Variants in USH2A observed in about 807,000 individuals in gnomAD.
USH2A encodes usherin, also known as Usher syndrome 2A (autosomal recessive, mild).
Under a neutral mutation model 538.9 loss-of-function variants are expected in USH2A, and 443 were observed. That is an observed-to-expected ratio of 0.82 (90% confidence interval 0.76 to 0.89). The LOEUF is 0.89. Ranked by LOEUF, USH2A falls within the 40% of genes least tolerant of loss-of-function variation. The pLI, the probability that USH2A is intolerant of heterozygous loss-of-function variation, is 0.00. For missense variants in USH2A, 6,633 were observed against 6,324.8 expected (o/e 1.05, Z -1.65); for synonymous variants, 2,413 against 2,273.5 (o/e 1.06, Z -1.75).
intron 13 of USH2A, among the ~76,000 whole-genome samples, chr1:216,243,334 C>T (rs1047262587): frequency 2.6e-5 from 4 of 152,138 alleles, no homozygotes; most frequent in Non-Finnish European, 5.9e-5. Context: ...AACTCATGGT[C>T]ATTAAAAGCA....
At position 215,782,836 on chromosome 1, in the gene USH2A, T is replaced by G. The variant is rs142594852; in HGVS notation, c.10487A>C (p.Glu3496Ala). 59 of 1,613,896 alleles carry G rather than the reference T, an allele frequency of 3.7e-5. No homozygotes were observed. The highest frequency in any genetic ancestry group is 3.5e-5 in the Non-Finnish European group (41 of 1,179,930). The change falls in exon 53 of 72, where the codon GAA becomes GCA. Residue 3496 changes from glutamate (E) to alanine (A), a missense_variant. Coordinates refer to ENST00000307340, the MANE Select transcript of USH2A (RefSeq NM_206933.4). ...GGGACTCACTCCTTGAGGCACATCT[T>G]CTTTTGTTCTGGCTCTCACAGCTTT... ...LSKAVRARTK[E>A]DVPQGVSPPT...
intron 3 of USH2A, among the ~76,000 whole-genome samples, chr1:216,409,497 T>G (rs2039449349): frequency 6.6e-6 from 1 of 152,108 alleles, no homozygotes; most frequent in Non-Finnish European, 1.5e-5. Flanking sequence ...AGGGCTACAG[T>G]AAGCAAAACA....
intron 3 of USH2A, among the ~76,000 whole-genome samples, chr1:216,373,000 T>C (rs986528177): frequency 2.0e-5 from 3 of 152,170 alleles, no homozygotes; most frequent in Non-Finnish European, 4.4e-5. Context: ...ATAACTACAA[T>C]GTCCTCTCCT....
intron 3 of USH2A, among the ~76,000 whole-genome samples, chr1:216,383,405 A>T (rs2038952208): frequency 6.6e-6 from 1 of 152,242 alleles, no homozygotes; most frequent in African/African-American, 2.4e-5. Context: ...ATACTCAATG[A>T]GTATTGAATC....
At chr1:215,723,959 T>C (rs1318609194) in intron 61 of USH2A, among the ~76,000 whole-genome samples, 4 of 152,108 alleles carry the variant, frequency 2.6e-5, no homozygotes, top group Non-Finnish European at 5.9e-5. Flanking sequence ...AATAAATCAT[T>C]ATATTAAAAA....
At chr1:215,792,845 G>T (rs536100548) in intron 50 of USH2A, among the ~76,000 whole-genome samples, 19 of 152,260 alleles carry the variant, frequency 1.2e-4, no homozygotes, top group Non-Finnish European at 1.3e-4. Context: ...AACAAAATAG[G>T]TCATGCATTA....
At chr1:216,322,570 G>C (rs1283796496) in intron 8 of USH2A, among the ~76,000 whole-genome samples, 1 of 145,136 alleles carries the variant, frequency 6.9e-6, no homozygotes, top group East Asian at 2.0e-4. Flanking sequence ...TCATGCCATT[G>C]CATGCCAGCC....
chr1:216,181,605 G>T (rs1162015820), intron 20 of USH2A, among the ~76,000 whole-genome samples: 1 of 152,110 alleles, frequency 6.6e-6, no homozygotes, highest in East Asian at 1.9e-4. Context: ...CACATGAAGA[G>T]AGAAGAGGAT....
chr1:215,836,482 TATATATTATATATATA>T (rs1558119849), intron 47 of USH2A, among the ~76,000 whole-genome samples: 1 of 2,908 alleles, frequency 3.4e-4, no homozygotes, highest in African/African-American at 5.4e-4. Context: ...ATATATATAA[TATATATTATATATATA>T]ATATATATTA....
intron 32 of USH2A, among the ~76,000 whole-genome samples, chr1:216,019,208 G>C (rs1571893858): frequency 9.3e-6 from 1 of 107,680 alleles, no homozygotes; most frequent in Non-Finnish European, 2.3e-5. Context: ...TGGAGATAGA[G>C]AGTGAAGACA....
chr1:216,081,908 A>C (rs12083640), intron 26 of USH2A, among the ~76,000 whole-genome samples: 1 of 147,236 alleles, frequency 6.8e-6, no homozygotes, highest in East Asian at 2.0e-4. Flanking sequence ...TAATTTTTTA[A>C]TTTTTTTTTT....
Position 215,651,664 on chromosome 1 carries a change from G to GA in USH2A, c.14134-864dup, listed in dbSNP as rs200850767. ...ACACACATTCCAGGCATGCAGTATT[G>GA]AAAAAAAAAAAAAGCATGCAGAATG... On this transcript the variant is annotated intron_variant, in intron 64 of 71. Coordinates refer to ENST00000307340, the MANE Select transcript of USH2A (RefSeq NM_206933.4). 3.1e-3 allele frequency among the ~76,000 whole-genome samples: 395 copies of GA among 127,930 alleles called. 4 individuals carry two copies. Among genetic ancestry groups the GA allele is most frequent in the East Asian group, 0.029 (131 of 4,568 alleles). The allele number at this position is 127,930 out of a possible 152,430, so 83.9% of individuals were successfully genotyped here.
chr1:216,144,236 T>C (rs767096749), intron 21 of USH2A, among the ~76,000 whole-genome samples: 4 of 152,286 alleles, frequency 2.6e-5, no homozygotes, highest in African/African-American at 2.4e-5. Context: ...ATAGTTTAAA[T>C]ACGACCCTTT....
At position 215,640,924 on chromosome 1, in the gene USH2A, G is replaced by A. The variant is rs55904266; in HGVS notation, c.14792-190C>T. Among the ~76,000 whole-genome samples, 669 of 150,828 alleles carry A rather than the reference G, an allele frequency of 4.4e-3. 3 individuals are homozygous for A. Among genetic ancestry groups the A allele is most frequent in the African/African-American group, 0.015 (620 of 40,974 alleles). ...CAGTATTACGAAACAACCAGTATCA[G>A]GGGTGAAAAGAAAACCAATGGGAAC... On this transcript the variant is annotated intron_variant, in intron 67 of 71. Coordinates refer to ENST00000307340, the MANE Select transcript of USH2A (RefSeq NM_206933.4).
chr1:216,140,483 T>G (rs1371378206), intron 21 of USH2A, among the ~76,000 whole-genome samples: 4 of 152,194 alleles, frequency 2.6e-5, no homozygotes, highest in African/African-American at 9.7e-5. Context: ...AGAATGAAAC[T>G]TTTACACGTG....
intron 3 of USH2A, among the ~76,000 whole-genome samples, chr1:216,373,721 T>C (rs971052841): frequency 2.0e-5 from 3 of 152,054 alleles, no homozygotes; most frequent in Non-Finnish European, 4.4e-5. Context: ...AAGTCTTTTA[T>C]AGAAAAAACA....
At chr1:215,965,602 G>T in intron 36 of USH2A, 123 bp from the exon 37 acceptor site, 1 of 1,082,756 alleles carries the variant, frequency 9.2e-7, no homozygotes, top group Non-Finnish European at 1.3e-6. Context: ...GTAGCATCTT[G>T]TATGAATACC....
At chr1:216,232,350 C>A (rs907352781) in intron 13 of USH2A, among the ~76,000 whole-genome samples, 2 of 152,104 alleles carry the variant, frequency 1.3e-5, no homozygotes, top group Non-Finnish European at 2.9e-5. Context: ...CCAGGTCCTA[C>A]AATTCAATGT....
At chr1:216,237,655 C>T (rs1000439499) in intron 13 of USH2A, among the ~76,000 whole-genome samples, 3 of 152,134 alleles carry the variant, frequency 2.0e-5, no homozygotes, top group Non-Finnish European at 2.9e-5. Flanking sequence ...GCACCTCCAT[C>T]TTAGAAATAT....
Sources: gnomAD v4.1 joint callset for allele counts (sites outside exome capture counted in the v4.1 genomes callset) on GRCh38, gnomAD v4.1.1 for gene constraint, MANE v1.5 for transcripts, NCBI Gene and HGNC (gene_info 2026-07-23, HGNC 2026-07-21) for gene names.